The following RFWD3 variants were observed in gnomAD, a reference collection of about 807,000 sequenced individuals.
The protein encoded by RFWD3 is ring finger and WD repeat domain 3.
Under a neutral mutation model 87.7 loss-of-function variants are expected in RFWD3, and 65 were observed. The observed-to-expected ratio is 0.74, with a 90% CI of 0.61 to 0.91. RFWD3 has a LOEUF of 0.91. Among genes scored for constraint, RFWD3 ranks in the 40% least tolerant of loss-of-function variants. The pLI is 0.00. For synonymous variants in RFWD3, 433 were observed against 352.8 expected (o/e 1.23, Z -2.55); for missense variants, 1,078 against 938.5 (o/e 1.15, Z -1.94).
At chr16:74,627,295 G>C (rs1045565576) in intron 11 of RFWD3, among the ~76,000 whole-genome samples, 1 of 152,138 alleles carries the variant, frequency 6.6e-6, no homozygotes, top group Non-Finnish European at 1.5e-5. Context: ...TGTTTTTAGG[G>C]CTAGCATAAA....
chr16:74,654,542 A>G (rs75203104), intron 2 of RFWD3, among the ~76,000 whole-genome samples: 19,064 of 152,040 alleles, frequency 0.13, 1,456 homozygotes, highest in Admixed American at 0.24. Context: ...GAGACAAAAC[A>G]ATACTGAAAT....
rs1380681664 is a variant in RFWD3, at chr16:74,661,303, T to C, written c.147A>G (p.Val49=). The C allele has an allele frequency of 1.2e-6, 2 of 1,613,766 alleles. No homozygotes were observed. The highest frequency in any genetic ancestry group is 1.7e-6 in the Non-Finnish European group (2 of 1,179,956). The change falls in exon 2 of 13, where the codon GTA becomes GTG. Residue 49 remains valine (V), a synonymous_variant. Coordinates refer to ENST00000361070, the MANE Select transcript of RFWD3 (RefSeq NM_018124.4). ...VPADVVSSQG[V]PSILQPAPAE... is the part of the protein sequence containing the mutation. ...CAGGAGCTGGCTGGAGGATGGATGG[T>C]ACCCCCTGGCTGCTGACCACATCAG...
chr16:74,634,818 G>C (rs553215256), intron 8 of RFWD3, among the ~76,000 whole-genome samples: 392 of 152,070 alleles, frequency 2.6e-3, no homozygotes, highest in African/African-American at 8.6e-3. Context: ...AAAAAAAAAG[G>C]GGGGAAGGGG....
At position 74,663,490 on chromosome 16, in the gene RFWD3, C is replaced by T. The variant is rs897347975; in HGVS notation, c.-2-2039G>A. Among the ~76,000 whole-genome samples, 7 of 151,958 alleles carry T rather than the reference C, an allele frequency of 4.6e-5. No individual in the cohort carries two copies. The East Asian group carries it at 1.4e-3, about 29-fold the overall frequency. Reference sequence around the variant, plus strand: ...ACAGGTGACCTAAAAAAGCAGTTTCCCTGAAGTGGTGGGGTCAGAGGCCAG... The same window carrying T: ...ACAGGTGACCTAAAAAAGCAGTTTCTCTGAAGTGGTGGGGTCAGAGGCCAG... On this transcript the variant is annotated intron_variant, in intron 1 of 12. Transcript: ENST00000361070.
intron 3 of RFWD3, among the ~76,000 whole-genome samples, chr16:74,649,632 A>C (rs887545651): frequency 2.6e-5 from 4 of 152,174 alleles, no homozygotes; most frequent in Admixed American, 6.6e-5. Context: ...TATACCTAAC[A>C]ATATTAACAA....
In RFWD3 at chr16:74,649,210, G is replaced by C; in HGVS notation, c.722-8C>G. On this transcript the variant is annotated splice_region_variant and splice_polypyrimidine_tract_variant and intron_variant, in intron 3 of 12. Coordinates refer to ENST00000361070, the MANE Select transcript of RFWD3 (RefSeq NM_018124.4). ...AGACACCTGCTAGTTGCTCTGCCAAGTCATTTCCAGAAATGACAGGAGAGG... is the reference window on the plus strand; with the variant it reads ...AGACACCTGCTAGTTGCTCTGCCAACTCATTTCCAGAAATGACAGGAGAGG... 6.4e-7 allele frequency: 1 copy of C among 1,550,578 alleles called. No homozygotes were observed. The highest frequency in any genetic ancestry group is 8.6e-7 in the Non-Finnish European group (1 of 1,156,892).
At chr16:74,661,504 TG>T (rs1454187720) in intron 1 of RFWD3, 53 bp from the exon 2 acceptor site, 1 of 1,385,422 alleles carries the variant, frequency 7.2e-7, no homozygotes, top group African/African-American at 1.4e-5. Context: ...AAACATGCTA[TG>T]TAGGTGACAG....
intron 8 of RFWD3, among the ~76,000 whole-genome samples, chr16:74,633,127 A>G (rs991363949): frequency 6.6e-6 from 1 of 152,108 alleles, no homozygotes; most frequent in Non-Finnish European, 1.5e-5. Context: ...AACACAAAAA[A>G]TTAGCCAGGC....
chr16:74,661,518 T>C (rs1156296987), intron 1 of RFWD3, 67 bp from the exon 2 acceptor site: 14 of 1,307,688 alleles, frequency 1.1e-5, no homozygotes, highest in East Asian at 2.3e-5. Context: ...GGTGACAGAA[T>C]CATATTTAAT....
chr16:74,662,530 A>C (rs1961532391), intron 1 of RFWD3, among the ~76,000 whole-genome samples: 2 of 152,244 alleles, frequency 1.3e-5, no homozygotes, highest in Admixed American at 1.3e-4. Context: ...GGAGACAAAG[A>C]GGACCAACTA....
chr16:74,660,802 T>A, intron 2 of RFWD3, 130 bp downstream of exon 2: 1 of 959,584 alleles, frequency 1.0e-6, no homozygotes, highest in Non-Finnish European at 1.6e-6. Flanking sequence ...TATTTCCACC[T>A]ATGAGGAACT....
At chr16:74,636,152 G>A (rs1959194563) in intron 8 of RFWD3, among the ~76,000 whole-genome samples, 194 bp downstream of exon 8, 2 of 152,138 alleles carry the variant, frequency 1.3e-5, no homozygotes. Flanking sequence ...TACCCTCTTG[G>A]TTAATAAATT....
At chr16:74,632,993 C>T (rs1959148505) in intron 8 of RFWD3, among the ~76,000 whole-genome samples, 1 of 151,944 alleles carries the variant, frequency 6.6e-6, no homozygotes, top group Admixed American at 6.6e-5. Flanking sequence ...AAGTACAACC[C>T]AGGCCAGGCA....
At chr16:74,652,298 T>C (rs1187660374) in intron 2 of RFWD3, among the ~76,000 whole-genome samples, 176 bp from the exon 3 acceptor site, 1 of 151,864 alleles carries the variant, frequency 6.6e-6, no homozygotes, top group African/African-American at 2.4e-5. Flanking sequence ...CTCCTAGATA[T>C]TATTTTTTAC....
chr16:74,632,702 A>G, intron 8 of RFWD3, 29 bp from the exon 9 acceptor site: 1 of 1,610,052 alleles, frequency 6.2e-7, no homozygotes, highest in Non-Finnish European at 8.5e-7. Context: ...TATGAAATAG[A>G]TCACTGAAAG....
In RFWD3 at chr16:74,623,987, G is replaced by T; in HGVS notation, c.2266C>A (p.Arg756Ser). 1 of 1,614,020 alleles carries T rather than the reference G, an allele frequency of 6.2e-7. No individual in the cohort carries two copies. Among genetic ancestry groups the T allele is most frequent in the Non-Finnish European group, 8.5e-7 (1 of 1,179,982 alleles). ...VLDICPFEVN[R>S]NSYLATLTEK... is the part of the protein sequence containing the mutation. ...GTTAAGGTAGCCAAGTAGCTGTTAC[G>T]GTTCACCTCAAATGGGCAGATGTCC... Residue 756 changes from arginine to serine, a missense_variant, in exon 13 of 13, where the codon CGT becomes AGT. Transcript: ENST00000361070.
chr16:74,660,740 A>G, intron 2 of RFWD3, 192 bp downstream of exon 2: 1 of 601,982 alleles, frequency 1.7e-6, no homozygotes, highest in Non-Finnish European at 2.9e-6. Flanking sequence ...TTTTCAAGGC[A>G]CAACAGTTTA....
intron 4 of RFWD3, among the ~76,000 whole-genome samples, chr16:74,648,782 A>AT: frequency 6.6e-6 from 1 of 152,062 alleles, no homozygotes; most frequent in East Asian, 2.0e-4. Context: ...CTCAAAAAAA[A>AT]AGAAAAAAAA....
At chr16:74,665,686 G>A (rs1315159408) in intron 1 of RFWD3, among the ~76,000 whole-genome samples, 1 of 152,242 alleles carries the variant, frequency 6.6e-6, no homozygotes, top group Admixed American at 6.5e-5. Context: ...CTGGGGCCCG[G>A]GAGTTCGAGA....
Sources: allele counts gnomAD v4.1 joint callset (sites outside exome capture counted in the v4.1 genomes callset), GRCh38; gene constraint gnomAD v4.1.1; transcripts MANE v1.5; gene names NCBI Gene and HGNC (gene_info 2026-07-23, HGNC 2026-07-21).